Variants in FDX2 observed in about 807,000 individuals in gnomAD.
The protein encoded by FDX2 is ferredoxin-2, mitochondrial.
FDX2 carries 13 observed loss-of-function variants against 18.5 expected under a neutral mutation model. The observed-to-expected ratio is 0.70, with a 90% CI of 0.46 to 1.12. The LOEUF (loss-of-function observed/expected upper bound fraction) is 1.12, where lower values mean the gene tolerates loss of function less well. Among genes scored for constraint, FDX2 ranks in the 50% most tolerant of loss-of-function variants. The pLI, the probability that FDX2 is intolerant of heterozygous loss-of-function variation, is 0.00. For synonymous variants in FDX2, 132 were observed against 106.2 expected (o/e 1.24, Z -1.49); for missense variants, 238 against 250.4 (o/e 0.95, Z 0.34).
rs148858853 is a variant in FDX2, at chr19:10,315,285, G to A, written c.316+101C>T. On this transcript the variant is annotated intron_variant, in intron 3 of 4. Transcript: ENST00000393708. ...TTGGATTTTAGTCCATATTTGGTGG[G>A]AAAAAGACGTGAAGAGACACACCTA... 2.7e-4 allele frequency: 260 copies of A among 951,218 alleles called. 2 individuals are homozygous for A. The East Asian group carries it at 6.7e-3, about 25-fold the overall frequency. The allele number at this position is 951,218 out of a possible 1,614,324, so 58.9% of individuals were successfully genotyped here.
chr19:10,314,229 C>G (rs1203386361), intron 3 of FDX2, among the ~76,000 whole-genome samples: 1 of 152,158 alleles, frequency 6.6e-6, no homozygotes, highest in African/African-American at 2.4e-5. Context: ...AGTGAGTCGC[C>G]TGCCTCGGCC....
intron 4 of FDX2, 92 bp from the exon 5 acceptor site, chr19:10,310,734 G>A (rs1207297816): frequency 1.0e-5 from 14 of 1,396,284 alleles, no homozygotes; most frequent in South Asian, 2.4e-5. Flanking sequence ...CTGACTGAGC[G>A]CAGGGGGTAG....
intron 3 of FDX2, among the ~76,000 whole-genome samples, chr19:10,313,605 G>T (rs183600756): frequency 7.7e-6 from 1 of 129,962 alleles, no homozygotes; most frequent in Non-Finnish European, 1.6e-5. Context: ...TACTCAAGTT[G>T]TCATGAAGAT....
chr19:10,310,689 G>T, intron 4 of FDX2, 47 bp from the exon 5 acceptor site: 1 of 1,575,870 alleles, frequency 6.3e-7, no homozygotes, highest in Non-Finnish European at 8.7e-7. Flanking sequence ...AGCTAGCTGG[G>T]TGGGTGGGGG....
chr19:10,315,857 G>C lies in FDX2; in HGVS notation c.149C>G (p.Ala50Gly). The C allele has an allele frequency of 6.3e-7, 1 of 1,599,932 alleles. No homozygotes were observed. The highest frequency in any genetic ancestry group is 8.5e-7 in the Non-Finnish European group (1 of 1,175,186). ...GCCCCGGGCGCCCCAGGTACCTGTCGCTTGAAACTTTCTGGTTGTCCCCAG... is the reference window on the plus strand; with the variant it reads ...GCCCCGGGCGCCCCAGGTACCTGTCCCTTGAAACTTTCTGGTTGTCCCCAG... The change falls in exon 1 of 5, where the codon GCG (alanine) becomes GGG (glycine). Residue 50 changes from alanine (A) to glycine (G), a missense_variant. Transcript: ENST00000393708.
chr19:10,310,370 A>G lies in FDX2; in HGVS notation c.*116T>C, dbSNP rs2145046904. On this transcript the variant is annotated 3_prime_UTR_variant, in exon 5 of 5. Coordinates refer to ENST00000393708, the MANE Select transcript of FDX2 (RefSeq NM_001031734.4). Reference sequence around the variant, plus strand: ...CCCAAGCAGGGGTGTTGTCCTTCACAGGGGCTTCCACGTCTCTCCCGGGCC... The same window carrying G: ...CCCAAGCAGGGGTGTTGTCCTTCACGGGGGCTTCCACGTCTCTCCCGGGCC... 1.4e-6 allele frequency: 2 copies of G among 1,386,130 alleles called. No individual in the cohort carries two copies. The highest frequency in any genetic ancestry group is 2.4e-5 in the East Asian group (1 of 41,006). The allele number at this position is 1,386,130 out of a possible 1,614,324, so 85.9% of individuals were successfully genotyped here.
At chr19:10,311,900 C>T (rs1234107040) in intron 3 of FDX2, among the ~76,000 whole-genome samples, 18 of 111,674 alleles carry the variant, frequency 1.6e-4, no homozygotes, top group African/African-American at 6.0e-4. Context: ...GGTGGAGTTT[C>T]GCTCTCTTTG....
chr19:10,315,566 A>G (rs920763224), intron 2 of FDX2, 74 bp from the exon 3 acceptor site: 10 of 1,556,850 alleles, frequency 6.4e-6, no homozygotes, highest in Non-Finnish European at 8.8e-6. Context: ...AGGGTTAGGA[A>G]GTAGGAATTG....
chr19:10,315,888 C>A lies in FDX2; in HGVS notation c.118G>T (p.Val40Leu), dbSNP rs764458304. Reference sequence around the variant, plus strand: ...AACTTTCTGGTTGTCCCCAGCGCCACCCCCTCCCCCGACCCGGAAGTGCCC... The same window carrying A: ...AACTTTCTGGTTGTCCCCAGCGCCAACCCCTCCCCCGACCCGGAAGTGCCC... The change falls in exon 1 of 5, where the codon GTG becomes TTG. Residue 40 changes from valine (V) to leucine (L), a missense_variant. Physicochemically the swap from Val to Leu is conservative, Grantham distance 32. Coordinates refer to ENST00000393708, the MANE Select transcript of FDX2 (RefSeq NM_001031734.4). 6.3e-7 allele frequency: 1 copy of A among 1,576,286 alleles called. No homozygotes were observed. Among genetic ancestry groups the A allele is most frequent in the Non-Finnish European group, 8.6e-7 (1 of 1,156,780 alleles).
At chr19:10,310,708 T>C in intron 4 of FDX2, 66 bp from the exon 5 acceptor site, 1 of 334,804 alleles carries the variant, frequency 3.0e-6, no homozygotes, top group Non-Finnish European at 4.5e-6. Flanking sequence ...GGGCCAGAGG[T>C]GGGGGAGGGA....
rs1423019357 is a variant in FDX2 at position 10,315,317 on chromosome 19, GGGTTTT to G, written c.316+63_316+68del. 24 of 212,842 alleles carry G rather than the reference GGGTTTT, an allele frequency of 1.1e-4. 1 individual carries two copies. Among genetic ancestry groups the G allele is most frequent in the East Asian group, 4.8e-4 (7 of 14,524 alleles). The allele number at this position is 212,842 out of a possible 1,614,324, so 13.2% of individuals were successfully genotyped here. A position where few individuals can be genotyped will look rare whatever the true frequency, so the allele number is the denominator to read the frequency against. On this transcript the variant is annotated intron_variant, in intron 3 of 4. Transcript: ENST00000393708. ...ACGTGAAGAGACACACCTAATTTGT[GGGTTTT>G]TTTTTTTTTTTTTTTGGACAAATGT...
rs752848922 is a variant in FDX2 at position 10,310,673 on chromosome 19, A to G, written c.405-31T>C. ...GTGGTGACACGGGCAGTGTTAGCCGAGGGCAAGCTAGCTGGGTGGGTGGGG... is the reference window on the plus strand; with the variant it reads ...GTGGTGACACGGGCAGTGTTAGCCGGGGGCAAGCTAGCTGGGTGGGTGGGG... On this transcript the variant is annotated intron_variant, in intron 4 of 4. Coordinates refer to ENST00000393708, the MANE Select transcript of FDX2 (RefSeq NM_001031734.4). 8.9e-6 allele frequency: 10 copies of G among 1,125,722 alleles called. No homozygotes were observed. The African/African-American group carries it at 1.8e-4, about 21-fold the overall frequency. The allele number at this position is 1,125,722 out of a possible 1,614,324, so 69.7% of individuals were successfully genotyped here.
chr19:10,315,574 T>G, intron 2 of FDX2, 82 bp from the exon 3 acceptor site: 1 of 1,542,652 alleles, frequency 6.5e-7, no homozygotes, highest in East Asian at 2.4e-5. Flanking sequence ...GAAGTAGGAA[T>G]TGAGGCTTGA....
chr19:10,312,340 A>C (rs2145051183), intron 3 of FDX2, among the ~76,000 whole-genome samples: 1 of 151,892 alleles, frequency 6.6e-6, no homozygotes, highest in East Asian at 1.9e-4. Context: ...AAGAGACAGA[A>C]CCTGAAGTTT....
In FDX2 at chr19:10,315,506, G is replaced by A. The variant is rs55651720; in HGVS notation, c.210-14C>T. On this transcript the variant is annotated splice_polypyrimidine_tract_variant and intron_variant, in intron 2 of 4. Transcript: ENST00000393708. ...ACCACGTTCACCCTGGGGACAGATG[G>A]AAGTGCGAATGCCGAACTGGATGAT... 0.038 allele frequency: 60,788 copies of A among 1,612,198 alleles called. 1,299 individuals carry two copies. The highest frequency in any genetic ancestry group is 0.061 in the East Asian group (2,732 of 44,810).
chr19:10,316,000 A>G lies in FDX2; in HGVS notation c.6T>C (p.His2=), dbSNP rs2040382292. Residue 2 remains histidine, a synonymous_variant, in exon 1 of 5, where the codon CAT becomes CAC. An upstream start codon of the reference 5' UTR is lost. Transcript: ENST00000393708. ...CCCGGGCCATGGAGGCGGCCATGAC[A>G]TGCATCACGTGACTCACCGACTGAG... The G allele has an allele frequency of 1.2e-6, 2 of 1,601,928 alleles. No individual in the cohort carries two copies. The highest frequency in any genetic ancestry group is 1.7e-6 in the Non-Finnish European group (2 of 1,177,046).
intron 2 of FDX2, 31 bp from the exon 3 acceptor site, chr19:10,315,523 C>T (rs965671201): frequency 1.9e-6 from 3 of 1,606,828 alleles, no homozygotes; most frequent in Non-Finnish European, 2.6e-6. Context: ...GAATGCCGAA[C>T]TGGATGATGG....
At position 10,310,453 on chromosome 19, in the gene FDX2, C is replaced by A; in HGVS notation, c.*33G>T. ...TATTCCCTCAATCTGGGCCCTGGGG[C>A]CATGGCAATGTGGAATGGTCCAGGT... On this transcript the variant is annotated 3_prime_UTR_variant, in exon 5 of 5. Transcript: ENST00000393708. 6.2e-7 allele frequency: 1 copy of A among 1,613,734 alleles called. No homozygotes were observed. Among genetic ancestry groups the A allele is most frequent in the Non-Finnish European group, 8.5e-7 (1 of 1,179,728 alleles).
rs912874031 is a variant in FDX2 at position 10,310,512 on chromosome 19, C to G, written c.535G>C (p.Asp179His). ...CAGTGGGGCTTGGGGACATGGCCAT[C>G]CACGTAGAAGTTCCTGGTGATCTTG... The change falls in exon 5 of 5, where the codon GAT becomes CAT. Residue 179 changes from aspartate (D) to histidine (H), a missense_variant. Asp to His is a moderately conservative substitution (Grantham distance 81). Coordinates refer to ENST00000393708, the MANE Select transcript of FDX2 (RefSeq NM_001031734.4). 1 of 1,614,062 alleles carries G rather than the reference C, an allele frequency of 6.2e-7. No individual in the cohort carries two copies. The highest frequency in any genetic ancestry group is 1.7e-5 in the Admixed American group (1 of 59,994).
Sources: gnomAD v4.1 joint callset for allele counts (sites outside exome capture counted in the v4.1 genomes callset) on GRCh38, gnomAD v4.1.1 for gene constraint, MANE v1.5 for transcripts, NCBI Gene and HGNC (gene_info 2026-07-23, HGNC 2026-07-21) for gene names.